The following PDE4D variants were observed in gnomAD, a reference collection of about 807,000 sequenced individuals.
PDE4D encodes the protein phosphodiesterase 4D, also known as 3',5'-cyclic-AMP phosphodiesterase 4D.
PDE4D carries 24 observed loss-of-function variants against 87.4 expected under a neutral mutation model. That is an observed-to-expected ratio of 0.27 (90% CI 0.20 to 0.39). PDE4D has a LOEUF of 0.39. Ranked by LOEUF, PDE4D falls within the 10% of genes least tolerant of loss-of-function variation. The pLI is 1.00. For missense variants in PDE4D, 714 were observed against 1,041.0 expected (o/e 0.69, Z 4.32); for synonymous variants, 384 against 383.2 (o/e 1.00, Z -0.02).
chr5:60,094,492 T>C (rs1273151424), intron 2 of PDE4D, among the ~76,000 whole-genome samples: 3 of 151,802 alleles, frequency 2.0e-5, no homozygotes, highest in Non-Finnish European at 4.4e-5. Context: ...CCCAGTACTT[T>C]AGAATGTGAT....
At chr5:60,013,087 C>T (rs1376882630) in intron 2 of PDE4D, among the ~76,000 whole-genome samples, 3 of 152,060 alleles carry the variant, frequency 2.0e-5, no homozygotes, top group African/African-American at 7.2e-5. Flanking sequence ...ACTCCATAAG[C>T]TTCTATATCT....
intron 11 of PDE4D, among the ~76,000 whole-genome samples, chr5:58,985,438 AAAC>A (rs1292084708): frequency 6.6e-6 from 1 of 152,200 alleles, no homozygotes; most frequent in African/African-American, 2.4e-5. Context: ...CCTAAAGCTA[AAAC>A]AACTGAAATA....
At chr5:60,251,368 T>C in intron 1 of PDE4D, among the ~76,000 whole-genome samples, 1 of 151,924 alleles carries the variant, frequency 6.6e-6, no homozygotes, top group Non-Finnish European at 1.5e-5. Context: ...CCACTGTCCA[T>C]CTTCTAGTCG....
At chr5:60,081,483 AG>A (rs1773944297) in intron 2 of PDE4D, among the ~76,000 whole-genome samples, 1 of 151,964 alleles carries the variant, frequency 6.6e-6, no homozygotes, top group South Asian at 2.1e-4. Context: ...TTGTGATATT[AG>A]GGTGTCGATT....
At chr5:60,510,109 G>C (rs1411554092) in intron 1 of PDE4D, among the ~76,000 whole-genome samples, 1 of 152,196 alleles carries the variant, frequency 6.6e-6, no homozygotes, top group Non-Finnish European at 1.5e-5. Flanking sequence ...GGAAGGTCCA[G>C]ACAATAAATG....
chr5:59,025,584 A>C (rs1195059039), intron 6 of PDE4D, among the ~76,000 whole-genome samples: 1 of 152,254 alleles, frequency 6.6e-6, no homozygotes, highest in Non-Finnish European at 1.5e-5. Context: ...GGTAGAATTA[A>C]ATGTAAAATA....
At chr5:59,014,981 C>T (rs375379653) in intron 6 of PDE4D, among the ~76,000 whole-genome samples, 9 of 152,100 alleles carry the variant, frequency 5.9e-5, no homozygotes, top group Non-Finnish European at 1.0e-4. Flanking sequence ...TGTCTACAAC[C>T]ATCTGATCTT....
chr5:59,670,028 GT>G (rs1372070566), intron 1 of PDE4D, among the ~76,000 whole-genome samples: 1 of 152,042 alleles, frequency 6.6e-6, no homozygotes, highest in African/African-American at 2.4e-5. Flanking sequence ...GCTCCACTCT[GT>G]GGACTCTATG....
chr5:60,151,201 C>A (rs1031592543), intron 2 of PDE4D, among the ~76,000 whole-genome samples: 1 of 152,086 alleles, frequency 6.6e-6, no homozygotes, highest in African/African-American at 2.4e-5. Context: ...AAACAAAAAA[C>A]TTCATAAATC....
chr5:59,272,696 A>G (rs1368861156), intron 1 of PDE4D, among the ~76,000 whole-genome samples: 1 of 152,140 alleles, frequency 6.6e-6, no homozygotes. Context: ...ATTAATTTTA[A>G]GGTTATTTGT....
chr5:60,003,731 G>C (rs890311821), intron 2 of PDE4D, among the ~76,000 whole-genome samples: 2 of 142,894 alleles, frequency 1.4e-5, no homozygotes, highest in African/African-American at 5.2e-5. Context: ...AAAAAAAGAA[G>C]AAGAAGAAGA....
chr5:60,142,936 T>C (rs1479451808), intron 2 of PDE4D, among the ~76,000 whole-genome samples: 1 of 152,180 alleles, frequency 6.6e-6, no homozygotes, highest in African/African-American at 2.4e-5. Flanking sequence ...TTTGCAGAGG[T>C]AGAATCAACA....
rs1769319981 is a variant in PDE4D at position 59,297,527 on chromosome 5, T to G, written c.456-81559A>C. Among the ~76,000 whole-genome samples, 4 of 152,222 alleles carry G rather than the reference T, an allele frequency of 2.6e-5. No homozygotes were observed. In the South Asian group the frequency reaches 8.3e-4, roughly 32 times the overall value. On this transcript the variant is annotated intron_variant, in intron 1 of 14. Coordinates refer to ENST00000340635, the MANE Select transcript of PDE4D (RefSeq NM_001104631.2). ...CATAATGTCCATGAAAACCACCACA[T>G]TATTGCTTTATTTGCTTCACAGGCC...
chr5:59,461,868 G>T (rs79549279), intron 1 of PDE4D, among the ~76,000 whole-genome samples: 2,802 of 152,134 alleles, frequency 0.018, 89 homozygotes, highest in African/African-American at 0.065. Context: ...TTCTACTCAT[G>T]ATATATCTGG....
intron 2 of PDE4D, among the ~76,000 whole-genome samples, chr5:60,021,494 G>C (rs1412466274): frequency 6.6e-6 from 1 of 152,222 alleles, no homozygotes; most frequent in Non-Finnish European, 1.5e-5. Flanking sequence ...AGTGGATGCA[G>C]AGTGCTGTGC....
chr5:60,248,870 A>T lies in PDE4D; in HGVS notation c.-89-63183T>A, dbSNP rs115302273. On this transcript the variant is annotated intron_variant, in intron 1 of 16. Transcript: ENST00000502484. ...ACTTCCCATAGCCTGACACATCTGC[A>T]TCATCCCTTTTGTTCCTAATCACTC... Among the ~76,000 whole-genome samples the T allele has an allele frequency of 6.2e-3, 940 of 152,056 alleles. 6 individuals are homozygous for T. The highest frequency in any genetic ancestry group is 0.021 in the African/African-American group (877 of 41,516).
intron 5 of PDE4D, among the ~76,000 whole-genome samples, chr5:59,131,864 A>G (rs986700224): frequency 1.3e-5 from 2 of 152,288 alleles, no homozygotes; most frequent in Admixed American, 1.3e-4. Flanking sequence ...TTGAAATTCC[A>G]AAGTCTGGGA....
Position 59,536,747 on chromosome 5 carries a change from T to C in PDE4D, c.456-320779A>G, listed in dbSNP as rs556117327. On this transcript the variant is annotated intron_variant, in intron 1 of 14. Coordinates refer to ENST00000340635, the MANE Select transcript of PDE4D (RefSeq NM_001104631.2). ...AGACTCTTTTTTCTTTAATATGAGA[T>C]GTATTGTGTACCTATTACACTGAAT... 3.3e-5 allele frequency among the ~76,000 whole-genome samples: 5 copies of C among 152,264 alleles called. No homozygotes were observed. In the South Asian group the frequency reaches 1.0e-3, roughly 32 times the overall value.
intron 1 of PDE4D, among the ~76,000 whole-genome samples, chr5:59,224,736 C>A (rs1400509162): frequency 6.6e-6 from 1 of 152,112 alleles, no homozygotes; most frequent in Non-Finnish European, 1.5e-5. Context: ...AGGCCCTAAT[C>A]CAATAGTGCT....
Sources: gnomAD v4.1 joint callset for allele counts (sites outside exome capture counted in the v4.1 genomes callset) on GRCh38, gnomAD v4.1.1 for gene constraint, MANE v1.5 for transcripts, NCBI Gene and HGNC (gene_info 2026-07-23, HGNC 2026-07-21) for gene names.